HPSE2: variants seen among roughly 807,000 people sequenced by gnomAD.
The protein encoded by HPSE2 is heparanase 2 (inactive).
HPSE2 carries 38 observed loss-of-function variants against 60.5 expected under a neutral mutation model. The ratio of observed to expected loss-of-function variants is 0.63; its 90% CI spans 0.48 to 0.82. The LOEUF (loss-of-function observed/expected upper bound fraction) is 0.82. HPSE2 is among the 40% of genes least tolerant of loss of function. HPSE2 has a pLI of 0.00. For synonymous variants in HPSE2, 295 were observed against 293.2 expected, an observed-to-expected ratio of 1.01 and a Z score of -0.06; for missense variants, 713 against 740.4, an observed-to-expected ratio of 0.96 and a Z score of 0.43.
intron 7 of HPSE2, among the ~76,000 whole-genome samples, chr10:98,639,965 A>G (rs1589551979): frequency 6.6e-6 from 1 of 152,242 alleles, no homozygotes; most frequent in East Asian, 1.9e-4. Flanking sequence ...CAGTTTCTAA[A>G]TATACTAAGC....
intron 3 of HPSE2, among the ~76,000 whole-genome samples, chr10:98,885,571 C>T (rs1431835365): frequency 6.6e-6 from 1 of 152,096 alleles, no homozygotes; most frequent in Non-Finnish European, 1.5e-5. Flanking sequence ...AACCTACAAC[C>T]ACCACCACCT....
chr10:98,801,697 A>G (rs577000218), intron 3 of HPSE2, among the ~76,000 whole-genome samples: 1 of 152,286 alleles, frequency 6.6e-6, no homozygotes, highest in South Asian at 2.1e-4. Flanking sequence ...GGAAAAGGAC[A>G]CAAAAAAATG....
chr10:98,738,031 C>G (rs1282845062), intron 4 of HPSE2, among the ~76,000 whole-genome samples: 1 of 152,168 alleles, frequency 6.6e-6, no homozygotes, highest in Non-Finnish European at 1.5e-5. Context: ...TCAAGACAAT[C>G]TAAGCAAAAA....
At chr10:99,224,539 C>G (rs1849411416) in intron 2 of HPSE2, among the ~76,000 whole-genome samples, 1 of 151,908 alleles carries the variant, frequency 6.6e-6, no homozygotes, top group South Asian at 2.1e-4. Context: ...AATCAAGATT[C>G]TTAACATCTA....
chr10:98,948,298 A>G (rs945442809), intron 3 of HPSE2, among the ~76,000 whole-genome samples: 2 of 152,190 alleles, frequency 1.3e-5, no homozygotes, highest in African/African-American at 4.8e-5. Context: ...TAGATATGGC[A>G]AAAAAGGTGA....
At chr10:98,614,291 G>GTTTTTTT (rs1199224334) in intron 9 of HPSE2, among the ~76,000 whole-genome samples, 1 of 93,812 alleles carries the variant, frequency 1.1e-5, no homozygotes, top group Non-Finnish European at 2.9e-5. Flanking sequence ...CACAAGGATT[G>GTTTTTTT]TTTTGTTTTT....
intron 3 of HPSE2, among the ~76,000 whole-genome samples, chr10:99,133,349 A>C (rs1845520420): frequency 6.6e-6 from 1 of 152,190 alleles, no homozygotes; most frequent in South Asian, 2.1e-4. Flanking sequence ...ATGGCTCTGA[A>C]GAGAGCAGCA....
chr10:98,571,729 CA>C (rs1944499035), intron 9 of HPSE2, among the ~76,000 whole-genome samples: 1 of 152,132 alleles, frequency 6.6e-6, no homozygotes, highest in South Asian at 2.1e-4. Context: ...TGAAGGCATT[CA>C]AAGGTGCCTT....
chr10:98,487,472 C>G (rs1941484013), intron 10 of HPSE2, among the ~76,000 whole-genome samples: 1 of 152,170 alleles, frequency 6.6e-6, no homozygotes, highest in Non-Finnish European at 1.5e-5. Flanking sequence ...TCTAAGGGCT[C>G]TTTCCAAATG....
At chr10:98,468,580 C>T (rs983112021) in intron 11 of HPSE2, among the ~76,000 whole-genome samples, 2 of 152,014 alleles carry the variant, frequency 1.3e-5, no homozygotes, top group African/African-American at 2.4e-5. Context: ...TTTAGCGTCC[C>T]TCTCAGGCTT....
intron 3 of HPSE2, among the ~76,000 whole-genome samples, chr10:99,084,349 A>C (rs146697788): frequency 3.3e-4 from 50 of 152,290 alleles, no homozygotes; most frequent in African/African-American, 1.2e-3. Flanking sequence ...GAAAAGTGCC[A>C]GGGGGAAATT....
In HPSE2 at chr10:99,144,324, T is replaced by G; in HGVS notation, c.524A>C (p.Glu175Ala). Reference sequence around the variant, plus strand: ...CTGAGCTGCCTTCTCCCTTTGGAGCTCCAGCATAACATCAGGGTGCTGGGC... The same window carrying G: ...CTGAGCTGCCTTCTCCCTTTGGAGCGCCAGCATAACATCAGGGTGCTGGGC... ...KIAQHPDVML[E>A]LQREKAAQMH... Residue 175 changes from glutamate (E) to alanine (A), a missense_variant, in exon 3 of 12, where the codon GAG (glutamate) becomes GCG (alanine). Physicochemically the swap from Glu to Ala is moderately radical, Grantham distance 107. Transcript: ENST00000370552. 1 of 1,614,122 alleles carries G rather than the reference T, an allele frequency of 6.2e-7. No homozygotes were observed. Among genetic ancestry groups the G allele is most frequent in the Non-Finnish European group, 8.5e-7 (1 of 1,179,990 alleles).
chr10:99,155,670 A>G (rs1457437771), intron 2 of HPSE2, among the ~76,000 whole-genome samples: 2 of 149,972 alleles, frequency 1.3e-5, no homozygotes, highest in East Asian at 2.0e-4. Flanking sequence ...CAAAATTGAC[A>G]CCCTAACATC....
chr10:99,134,637 G>A (rs1281270551), intron 3 of HPSE2, among the ~76,000 whole-genome samples: 1 of 152,174 alleles, frequency 6.6e-6, no homozygotes, highest in Non-Finnish European at 1.5e-5. Context: ...ATAAGTGAAG[G>A]AGAAATAAAA....
intron 3 of HPSE2, among the ~76,000 whole-genome samples, chr10:98,968,573 T>C (rs1366234113): frequency 6.6e-6 from 1 of 152,050 alleles, no homozygotes; most frequent in Non-Finnish European, 1.5e-5. Context: ...CAGCACACAA[T>C]TGCAAAAATA....
intron 6 of HPSE2, among the ~76,000 whole-genome samples, chr10:98,668,416 T>C (rs1947423669): frequency 6.6e-6 from 1 of 152,198 alleles, no homozygotes; most frequent in South Asian, 2.1e-4. Context: ...AAGACTATTC[T>C]AAAATTCACA....
chr10:98,646,986 A>G (rs941078917), intron 6 of HPSE2, among the ~76,000 whole-genome samples: 4 of 152,202 alleles, frequency 2.6e-5, no homozygotes, highest in Admixed American at 2.6e-4. Context: ...ATAAACCTGT[A>G]CTCCAGATCC....
At chr10:98,727,171 T>C (rs1309048615) in intron 4 of HPSE2, among the ~76,000 whole-genome samples, 1 of 152,146 alleles carries the variant, frequency 6.6e-6, no homozygotes, top group Admixed American at 6.5e-5. Flanking sequence ...ACCTATGGTA[T>C]GGAAGTACAG....
intron 3 of HPSE2, among the ~76,000 whole-genome samples, chr10:99,119,690 A>C (rs919694971): frequency 5.9e-5 from 9 of 152,250 alleles, no homozygotes; most frequent in African/African-American, 2.2e-4. Context: ...ACCTGACTTC[A>C]AACTATGCTA....
Sources: allele counts gnomAD v4.1 joint callset (sites outside exome capture counted in the v4.1 genomes callset), GRCh38; gene constraint gnomAD v4.1.1; transcripts MANE v1.5; gene names NCBI Gene and HGNC (gene_info 2026-07-23, HGNC 2026-07-21).